SPAG16: variants seen among roughly 807,000 people sequenced by gnomAD.
SPAG16 encodes the protein sperm-associated antigen 16 protein.
A neutral mutation model predicts 80.4 loss-of-function variants in SPAG16; 86 were observed. The observed-to-expected ratio is 1.07, with a 90% CI of 0.90 to 1.28. The LOEUF (loss-of-function observed/expected upper bound fraction) is 1.28, where lower values mean the gene tolerates loss of function less well. Among genes scored for constraint, SPAG16 ranks in the 50% most tolerant of loss-of-function variants. SPAG16 has a pLI of 0.00. For missense variants in SPAG16, 870 were observed against 765.3 expected, an observed-to-expected ratio of 1.14 and a Z score of -1.61; for synonymous variants, 294 against 265.9, an observed-to-expected ratio of 1.11 and a Z score of -1.03.
intron 12 of SPAG16, among the ~76,000 whole-genome samples, chr2:213,931,796 C>T (rs1266767486): frequency 1.3e-5 from 2 of 152,054 alleles, no homozygotes; most frequent in African/African-American, 4.8e-5. Flanking sequence ...CTTTAAACTT[C>T]AAGTTTCCCA....
At chr2:213,830,515 T>C (rs1205595725) in intron 10 of SPAG16, among the ~76,000 whole-genome samples, 1 of 152,202 alleles carries the variant, frequency 6.6e-6, no homozygotes, top group African/African-American at 2.4e-5. Context: ...AGTTAGTTGT[T>C]AAATTTGGTG....
chr2:213,643,703 T>A (rs2062710666), intron 10 of SPAG16, among the ~76,000 whole-genome samples: 1 of 150,218 alleles, frequency 6.7e-6, no homozygotes, highest in African/African-American at 2.4e-5. Flanking sequence ...TATTTTTTAT[T>A]CTTTTATCTT....
intron 10 of SPAG16, among the ~76,000 whole-genome samples, chr2:213,585,252 TC>T (rs1456341790): frequency 6.7e-6 from 1 of 150,202 alleles, no homozygotes; most frequent in Non-Finnish European, 1.5e-5. Context: ...AAAATAGATT[TC>T]CTGACTTTTA....
rs189759779 is a variant in SPAG16 at position 213,361,228 on chromosome 2, A to G, written c.763-2848A>G. 8.5e-5 allele frequency among the ~76,000 whole-genome samples: 13 copies of G among 152,164 alleles called. No individual in the cohort carries two copies. The East Asian group carries it at 2.5e-3, about 29-fold the overall frequency. ...TTTTGGTTTTAAGAAATTATTGAAA[A>G]TAGTGTTCAGAATTTTGAATTAGAG... On this transcript the variant is annotated intron_variant, in intron 7 of 15. Transcript: ENST00000331683.
intron 10 of SPAG16, among the ~76,000 whole-genome samples, chr2:213,532,565 G>A (rs1451149972): frequency 2.0e-5 from 3 of 151,282 alleles, no homozygotes; most frequent in African/African-American, 7.3e-5. Context: ...AGGTTCAAGC[G>A]ATTCTCCTGC....
chr2:213,575,500 G>T (rs2060092558), intron 10 of SPAG16, among the ~76,000 whole-genome samples: 1 of 151,766 alleles, frequency 6.6e-6, no homozygotes, highest in South Asian at 2.1e-4. Flanking sequence ...GTCTTATATT[G>T]GGAATTATTG....
intron 15 of SPAG16, among the ~76,000 whole-genome samples, chr2:214,247,779 C>T (rs1576589292): frequency 6.6e-6 from 1 of 152,036 alleles, no homozygotes; most frequent in African/African-American, 2.4e-5. Context: ...TGCCTGTAAT[C>T]CCAGCACTTC....
At chr2:214,148,905 C>A (rs903842159) in intron 14 of SPAG16, among the ~76,000 whole-genome samples, 1 of 151,478 alleles carries the variant, frequency 6.6e-6, no homozygotes, top group African/African-American at 2.4e-5. Flanking sequence ...TTAAGAATAT[C>A]ATTTTAATAA....
intron 10 of SPAG16, among the ~76,000 whole-genome samples, chr2:213,519,122 G>C (rs1297495464): frequency 2.6e-5 from 4 of 152,168 alleles, no homozygotes; most frequent in Non-Finnish European, 5.9e-5. Flanking sequence ...CACTACCCGA[G>C]TGCAATATAC....
intron 13 of SPAG16, among the ~76,000 whole-genome samples, chr2:214,080,473 T>C (rs991649503): frequency 2.0e-5 from 3 of 148,090 alleles, no homozygotes; most frequent in Non-Finnish European, 3.0e-5. Context: ...CCGGGCGTGG[T>C]GGTGGGCGCC....
At chr2:213,474,892 T>A (rs1001919138) in intron 9 of SPAG16, among the ~76,000 whole-genome samples, 1 of 152,146 alleles carries the variant, frequency 6.6e-6, no homozygotes. Context: ...GGCAATACCC[T>A]CACAGACACA....
At chr2:214,237,353 A>G (rs955959923) in intron 15 of SPAG16, among the ~76,000 whole-genome samples, 1 of 152,140 alleles carries the variant, frequency 6.6e-6, no homozygotes, top group Non-Finnish European at 1.5e-5. Flanking sequence ...TAATTCATTA[A>G]TTGCTGTTAG....
intron 10 of SPAG16, among the ~76,000 whole-genome samples, chr2:213,828,093 A>G (rs2073409124): frequency 6.6e-6 from 1 of 152,092 alleles, no homozygotes; most frequent in Non-Finnish European, 1.5e-5. Context: ...CCTTTTGAAT[A>G]AATTTTCTAC....
intron 10 of SPAG16, among the ~76,000 whole-genome samples, chr2:213,819,243 C>T (rs1184910004): frequency 1.3e-5 from 2 of 152,162 alleles, no homozygotes; most frequent in African/African-American, 2.4e-5. Context: ...GAGAGTTTTG[C>T]ATTTCTTACT....
At chr2:214,163,563 T>C (rs553868319) in intron 15 of SPAG16, among the ~76,000 whole-genome samples, 68 of 136,784 alleles carry the variant, frequency 5.0e-4, no homozygotes, top group African/African-American at 1.6e-3. Context: ...TGTGTCTGTG[T>C]ATATGTGTGT....
At chr2:213,838,610 A>G (rs971558951) in intron 10 of SPAG16, among the ~76,000 whole-genome samples, 1 of 152,244 alleles carries the variant, frequency 6.6e-6, no homozygotes, top group Admixed American at 6.5e-5. Context: ...TTATGATTCT[A>G]GAATTGGGCA....
chr2:214,201,748 T>C (rs2058015099), intron 15 of SPAG16, among the ~76,000 whole-genome samples: 1 of 152,212 alleles, frequency 6.6e-6, no homozygotes, highest in South Asian at 2.1e-4. Context: ...AAATAATCTT[T>C]TGGATCAAAT....
At chr2:213,309,490 A>G (rs373899503) in intron 3 of SPAG16, among the ~76,000 whole-genome samples, 74 of 152,118 alleles carry the variant, frequency 4.9e-4, no homozygotes, top group African/African-American at 1.6e-3. Flanking sequence ...AGGTCCATGC[A>G]TTCTTTTTTT....
At chr2:213,612,426 A>T (rs2061466994) in intron 10 of SPAG16, among the ~76,000 whole-genome samples, 1 of 152,196 alleles carries the variant, frequency 6.6e-6, no homozygotes, top group African/African-American at 2.4e-5. Flanking sequence ...TTGAGCCAAG[A>T]CACCACGCTG....
Sources: allele counts gnomAD v4.1 joint callset (sites outside exome capture counted in the v4.1 genomes callset), GRCh38; gene constraint gnomAD v4.1.1; transcripts MANE v1.5; gene names NCBI Gene and HGNC (gene_info 2026-07-23, HGNC 2026-07-21).